Variants in AMPD3 observed in about 807,000 individuals in gnomAD.
AMPD3 encodes the protein AMP deaminase 3.
AMPD3 carries 57 observed loss-of-function variants against 82.3 expected under a neutral mutation model. The ratio of observed to expected loss-of-function variants is 0.69; its 90% CI spans 0.56 to 0.86. AMPD3 has a LOEUF of 0.86. AMPD3 is among the 40% of genes least tolerant of loss of function. The pLI is 0.00. For synonymous variants in AMPD3, 381 were observed against 394.7 expected (o/e 0.97, Z 0.41); for missense variants, 870 against 1,003.8 (o/e 0.87, Z 1.80).
chr11:10,467,140 G>T (rs939795391), intron 2 of AMPD3, among the ~76,000 whole-genome samples: 1 of 152,144 alleles, frequency 6.6e-6, no homozygotes, highest in African/African-American at 2.4e-5. Flanking sequence ...TTGCCAGCAA[G>T]GGAAAAAAAC....
chr11:10,497,807 C>T (rs1417339048), intron 10 of AMPD3: 3 of 985,346 alleles, frequency 3.0e-6, no homozygotes, highest in African/African-American at 1.7e-5. Flanking sequence ...CACACTCGTG[C>T]GTGCTTCTGC....
intron 3 of AMPD3, 31 bp downstream of exon 3, chr11:10,478,761 C>T (rs1489169377): frequency 6.2e-7 from 1 of 1,604,414 alleles, no homozygotes; most frequent in Non-Finnish European, 8.5e-7. Context: ...TTGAATGTGC[C>T]TTGCATGCAA....
intron 2 of AMPD3, chr11:10,473,506 A>G (rs1848651972): frequency 1.0e-6 from 1 of 985,130 alleles, no homozygotes; most frequent in Non-Finnish European, 1.2e-6. Context: ...TTTCCAGAGG[A>G]GCTCAGGGAG....
intron 6 of AMPD3, among the ~76,000 whole-genome samples, chr11:10,492,154 G>A (rs1849257565): frequency 6.6e-6 from 1 of 152,186 alleles, no homozygotes; most frequent in South Asian, 2.1e-4. Context: ...AATCCCATGA[G>A]GTGTTTTGAG....
intron 10 of AMPD3, chr11:10,497,769 A>C (rs11042856): frequency 3.8e-5 from 37 of 984,870 alleles, no homozygotes; most frequent in East Asian, 2.3e-4. Flanking sequence ...TGGAGACAGG[A>C]GGGGAGCTTG....
chr11:10,494,952 G>A lies in AMPD3; in HGVS notation c.1188G>A (p.Val396=). ...FDKFNSKYNP[V]GASELRDLYL... is the part of the protein sequence containing the mutation. ...AGTTCAACTCCAAATACAACCCTGT[G>A]GGGGCCAGTGAGCTGCGTGACCTGT... The change falls in exon 8 of 15, where the codon GTG becomes GTA. Residue 396 remains valine, a synonymous_variant. Coordinates refer to ENST00000396553, the MANE Select transcript of AMPD3 (RefSeq NM_001025389.2). 4 of 1,614,224 alleles carry A rather than the reference G, an allele frequency of 2.5e-6. No homozygotes were observed. The highest frequency in any genetic ancestry group is 2.2e-5 in the East Asian group (1 of 44,890).
chr11:10,506,051 C>T lies in AMPD3; in HGVS notation c.*167C>T. On this transcript the variant is annotated 3_prime_UTR_variant, in exon 15 of 15. Coordinates refer to ENST00000396553, the MANE Select transcript of AMPD3 (RefSeq NM_001025389.2). The surrounding 1 kb of genome is among the most constrained non-coding windows in gnomAD (Gnocchi z 4.1). Reference sequence around the variant, plus strand: ...ACTGCTCACTTTAAGAGTTAACATGCTCACTTGTTAGTATTTCTGAGTAAC... The same window carrying T: ...ACTGCTCACTTTAAGAGTTAACATGTTCACTTGTTAGTATTTCTGAGTAAC... The T allele has an allele frequency of 1.4e-6, 1 of 726,234 alleles. No homozygotes were observed. The allele number at this position is 726,234 out of a possible 1,614,324, so 45.0% of individuals were successfully genotyped here. A position where few individuals can be genotyped will look rare whatever the true frequency, so the allele number is the denominator to read the frequency against.
intron 2 of AMPD3, among the ~76,000 whole-genome samples, chr11:10,472,151 G>A (rs1342182354): frequency 2.6e-5 from 4 of 152,168 alleles, no homozygotes; most frequent in African/African-American, 9.7e-5. Flanking sequence ...CAGGGACATG[G>A]ATGAAGCTAG....
intron 13 of AMPD3, chr11:10,503,951 A>T (rs922469302): frequency 2.0e-6 from 2 of 985,308 alleles, no homozygotes; most frequent in African/African-American, 3.5e-5. Context: ...GGTGGGGAAG[A>T]GGTCACAGAC....
chr11:10,462,271 T>A (rs142111437), intron 2 of AMPD3, among the ~76,000 whole-genome samples: 2 of 152,288 alleles, frequency 1.3e-5, no homozygotes, highest in East Asian at 3.9e-4. Flanking sequence ...AGTATTAGAA[T>A]TTTAATGCAG....
Position 10,495,687 on chromosome 11 carries a change from G to T in AMPD3, c.1384G>T (p.Val462Phe), listed in dbSNP as rs773260324. 1 of 1,614,120 alleles carries T rather than the reference G, an allele frequency of 6.2e-7. No individual in the cohort carries two copies. The change falls in exon 9 of 15, where the codon GTC becomes TTC. Residue 462 changes from valine to phenylalanine, a missense_variant. By Grantham distance (50) the Val-to-Phe change is conservative. Coordinates refer to ENST00000396553, the MANE Select transcript of AMPD3 (RefSeq NM_001025389.2). Reference sequence around the variant, plus strand: ...GGCCTACTGGTTCATCCAGCACAAGGTCTACTCTCCCAACATGCGCTGGAT... The same window carrying T: ...GGCCTACTGGTTCATCCAGCACAAGTTCTACTCTCCCAACATGCGCTGGAT... ...NLAYWFIQHKVYSPNMRWIIQ... is the reference protein window; with the variant it reads ...NLAYWFIQHKFYSPNMRWIIQ...
intron 13 of AMPD3, chr11:10,503,873 T>C (rs1194091508): frequency 1.4e-6 from 1 of 712,352 alleles, no homozygotes; most frequent in Non-Finnish European, 1.7e-6. Context: ...TTTCAAAAGG[T>C]CTTAGGACCC....
chr11:10,450,850 C>T (rs1375225576), upstream of AMPD3: 2 of 1,201,950 alleles, frequency 1.7e-6, no homozygotes, highest in South Asian at 4.0e-5. Context: ...GCCCTCCTGG[C>T]CGGGGATCCG....
intron 2 of AMPD3, among the ~76,000 whole-genome samples, chr11:10,469,113 G>A (rs567703096): frequency 1.3e-5 from 2 of 152,184 alleles, no homozygotes; most frequent in African/African-American, 4.8e-5. Context: ...AAATTCAAAA[G>A]CTAGCAGAAG....
chr11:10,484,874 C>A lies in AMPD3; in HGVS notation c.644C>A (p.Pro215His). The A allele has an allele frequency of 6.2e-7, 1 of 1,614,076 alleles. No individual in the cohort carries two copies. The highest frequency in any genetic ancestry group is 8.5e-7 in the Non-Finnish European group (1 of 1,180,020). Residue 215 changes from proline (P) to histidine (H), a missense_variant, in exon 5 of 15, where the codon CCC (proline) becomes CAC (histidine). Transcript: ENST00000396553. ...QEDPYCLDDA[P>H]PNLDYLVHMQ... ...GACCCCTACTGCCTGGATGATGCAC[C>A]CCCCAACCTGGATTACTTGGTCCAC...
At chr11:10,493,604 C>G in intron 7 of AMPD3, 61 bp downstream of exon 7, 1 of 1,565,264 alleles carries the variant, frequency 6.4e-7, no homozygotes, top group Non-Finnish European at 8.7e-7. Context: ...GGACTCAGCC[C>G]CCTGGAAAGC....
intron 6 of AMPD3, among the ~76,000 whole-genome samples, chr11:10,491,234 A>AG (rs1849232683): frequency 1.3e-5 from 2 of 152,084 alleles, no homozygotes; most frequent in Admixed American, 6.5e-5. Flanking sequence ...GAGCTCCCAT[A>AG]GGTCCCTTGT....
chr11:10,496,966 G>T (rs1342967644), intron 10 of AMPD3, 28 bp downstream of exon 10: 1 of 1,612,650 alleles, frequency 6.2e-7, no homozygotes, highest in East Asian at 2.2e-5. Context: ...CCTAGGCAGG[G>T]CTCATAGCGG....
At chr11:10,460,322 C>T (rs1236001209) in intron 1 of AMPD3, among the ~76,000 whole-genome samples, 3 of 151,274 alleles carry the variant, frequency 2.0e-5, no homozygotes, top group Non-Finnish European at 4.4e-5. Flanking sequence ...TGGTCTCAAA[C>T]TTCTGGGCTC....
Sources: gnomAD v4.1 joint callset for allele counts (sites outside exome capture counted in the v4.1 genomes callset) on GRCh38, gnomAD v4.1.1 for gene constraint, Gnocchi (gnomAD v3.1) non-coding constraint, MANE v1.5 for transcripts, NCBI Gene and HGNC (gene_info 2026-07-23, HGNC 2026-07-21) for gene names.